NCKAP5: variants seen among roughly 807,000 people sequenced by gnomAD.
NCKAP5 encodes the protein nck-associated protein 5.
In NCKAP5, 92 loss-of-function variants were observed where a neutral mutation model predicts 167.0. The observed-to-expected ratio is 0.55, with a 90% CI of 0.47 to 0.66. NCKAP5 has a LOEUF of 0.66. Ranked by LOEUF, NCKAP5 falls within the 30% of genes least tolerant of loss-of-function variation. The probability of loss-of-function intolerance (pLI) is 0.00; values close to 1 mark genes in which losing one functional copy is unlikely to be tolerated. For missense variants in NCKAP5, 2,378 were observed against 2,315.0 expected, an observed-to-expected ratio of 1.03 and a Z score of -0.56; for synonymous variants, 891 against 877.4, an observed-to-expected ratio of 1.02 and a Z score of -0.27.
intron 4 of NCKAP5, among the ~76,000 whole-genome samples, chr2:133,243,138 C>G (rs2087807056): frequency 6.6e-6 from 1 of 152,078 alleles, no homozygotes; most frequent in South Asian, 2.1e-4. Flanking sequence ...GCAACAAATC[C>G]TGGATTCTTC....
intron 3 of NCKAP5, among the ~76,000 whole-genome samples, chr2:133,314,063 G>A (rs1360284753): frequency 6.6e-5 from 10 of 152,094 alleles, no homozygotes; most frequent in South Asian, 4.1e-4. Context: ...TATCAGGACC[G>A]CCTGAGCCTA....
chr2:132,828,014 C>G (rs1687252872), intron 11 of NCKAP5, among the ~76,000 whole-genome samples: 1 of 152,080 alleles, frequency 6.6e-6, no homozygotes, highest in African/African-American at 2.4e-5. Context: ...GAGGTCACAC[C>G]AGATGTGTGA....
chr2:133,310,872 T>C (rs1681185362), intron 3 of NCKAP5, among the ~76,000 whole-genome samples: 1 of 152,244 alleles, frequency 6.6e-6, no homozygotes, highest in Non-Finnish European at 1.5e-5. Flanking sequence ...AAGGTTTTGA[T>C]GATCATGGAG....
intron 8 of NCKAP5, among the ~76,000 whole-genome samples, chr2:132,885,963 T>G (rs1397423685): frequency 6.6e-6 from 1 of 152,216 alleles, no homozygotes; most frequent in African/African-American, 2.4e-5. Context: ...TGACCTTATA[T>G]ATCTGATTCT....
At chr2:133,092,547 A>G (rs1381644059) in intron 6 of NCKAP5, among the ~76,000 whole-genome samples, 1 of 152,200 alleles carries the variant, frequency 6.6e-6, no homozygotes, top group African/African-American at 2.4e-5. Context: ...TGGAAACTGC[A>G]ACTTTAAGTG....
At chr2:133,585,196 T>A in the NCKAP5 span, among the ~76,000 whole-genome samples, 2 of 152,192 alleles carry the variant, frequency 1.3e-5, no homozygotes, top group African/African-American at 4.8e-5. Flanking sequence ...TTGCAAACAG[T>A]TTAGGAGACA....
At chr2:133,396,132 A>T (rs192386962) in intron 3 of NCKAP5, among the ~76,000 whole-genome samples, 93 of 152,232 alleles carry the variant, frequency 6.1e-4, no homozygotes, top group Admixed American at 1.9e-3. Context: ...TGCCATAAAA[A>T]TTCTGCTTGG....
At chr2:133,327,288 C>T (rs1287416085) in intron 3 of NCKAP5, among the ~76,000 whole-genome samples, 5 of 152,192 alleles carry the variant, frequency 3.3e-5, no homozygotes, top group African/African-American at 1.2e-4. Flanking sequence ...TTCTTTTTCC[C>T]TTTTGTTCCT....
At chr2:133,482,214 TTTTTTC>T (rs1238811911) in intron 3 of NCKAP5, among the ~76,000 whole-genome samples, 2 of 151,730 alleles carry the variant, frequency 1.3e-5, no homozygotes, top group East Asian at 1.9e-4. Context: ...ATTTTCCTTT[TTTTTTC>T]TTTTTCTTTT....
chr2:133,135,719 A>T (rs755221765), intron 5 of NCKAP5, among the ~76,000 whole-genome samples: 4 of 152,154 alleles, frequency 2.6e-5, no homozygotes, highest in Non-Finnish European at 5.9e-5. Context: ...CTTAAAACTT[A>T]ACTGCTTTAA....
At chr2:133,412,306 C>T (rs947361821) in intron 3 of NCKAP5, among the ~76,000 whole-genome samples, 14 of 152,202 alleles carry the variant, frequency 9.2e-5, no homozygotes, top group African/African-American at 3.4e-4. Context: ...AGAACCTGAC[C>T]GTGCTGGCCC....
intron 4 of NCKAP5, among the ~76,000 whole-genome samples, chr2:133,291,310 C>A (rs1382805707): frequency 6.6e-6 from 1 of 152,164 alleles, no homozygotes; most frequent in Non-Finnish European, 1.5e-5. Context: ...TGATTGAGAG[C>A]AACATGCTGG....
rs149871624 is a variant in NCKAP5 at position 133,035,193 on chromosome 2, C to A, written c.342-40954G>T. The stretch of plus-strand genomic sequence containing the variant: ...AAGTCACTGTATATGATAAAGGCAT[C>A]AATTCAGCAAGAAAATATAACAATT... On this transcript the variant is annotated intron_variant, in intron 6 of 19. Coordinates refer to ENST00000409261, the MANE Select transcript of NCKAP5 (RefSeq NM_207363.3). Among the ~76,000 whole-genome samples, 7 of 152,070 alleles carry A rather than the reference C, an allele frequency of 4.6e-5. No individual in the cohort carries two copies. The East Asian group carries it at 9.6e-4, about 21-fold the overall frequency.
intron 16 of NCKAP5, among the ~76,000 whole-genome samples, chr2:132,746,044 A>G (rs1231645341): frequency 6.6e-6 from 1 of 151,952 alleles, no homozygotes; most frequent in Non-Finnish European, 1.5e-5. Flanking sequence ...TCAAAACACT[A>G]TCAGGTTTTT....
chr2:133,088,336 C>T (rs1056205819), intron 6 of NCKAP5, among the ~76,000 whole-genome samples: 3 of 152,144 alleles, frequency 2.0e-5, no homozygotes, highest in Non-Finnish European at 4.4e-5. Flanking sequence ...TCCTCATTCT[C>T]CCACTTTCCA....
At chr2:133,270,311 A>C (rs1415964382) in intron 4 of NCKAP5, among the ~76,000 whole-genome samples, 3 of 152,202 alleles carry the variant, frequency 2.0e-5, no homozygotes, top group Non-Finnish European at 4.4e-5. Flanking sequence ...CTAAACCTTA[A>C]AAAAATTATT....
intron 11 of NCKAP5, among the ~76,000 whole-genome samples, chr2:132,841,784 T>C (rs1169256937): frequency 6.6e-6 from 1 of 152,162 alleles, no homozygotes; most frequent in Non-Finnish European, 1.5e-5. Context: ...TTTTCTACTT[T>C]AATTTGAAGT....
At chr2:132,674,150 ATCT>A (rs1056862420) in intron 19 of NCKAP5, among the ~76,000 whole-genome samples, 2 of 152,228 alleles carry the variant, frequency 1.3e-5, no homozygotes, top group African/African-American at 4.8e-5. Flanking sequence ...AATATTTCTC[ATCT>A]TCTTTTCCTC....
chr2:133,582,614 C>T, the NCKAP5 span, among the ~76,000 whole-genome samples: 2 of 152,202 alleles, frequency 1.3e-5, no homozygotes, highest in African/African-American at 4.8e-5. Context: ...AATGCATCAA[C>T]TCATCATGAA....
Sources: gnomAD v4.1 joint callset for allele counts (sites outside exome capture counted in the v4.1 genomes callset) on GRCh38, gnomAD v4.1.1 for gene constraint, MANE v1.5 for transcripts, NCBI Gene and HGNC (gene_info 2026-07-23, HGNC 2026-07-21) for gene names.